Variants in LGMN observed in about 807,000 individuals in gnomAD.
LGMN encodes legumain.
LGMN carries 36 observed loss-of-function variants against 56.8 expected under a neutral mutation model. The observed-to-expected ratio is 0.63, with a 90% CI of 0.49 to 0.84. The LOEUF is 0.84. LGMN is among the 40% of genes least tolerant of loss of function. The probability of loss-of-function intolerance (pLI) is 0.00; values close to 1 mark genes in which losing one functional copy is unlikely to be tolerated. For synonymous variants in LGMN, 199 were observed against 210.1 expected (o/e 0.95, Z 0.46); for missense variants, 446 against 556.1 (o/e 0.80, Z 1.99).
intron 2 of LGMN, among the ~76,000 whole-genome samples, chr14:92,719,257 A>G (rs1312849557): frequency 0.034 from 361 of 10,758 alleles, 9 homozygotes; most frequent in South Asian, 0.11. Context: ...CACCACCACC[A>G]CCGCCACCGC....
At chr14:92,716,249 A>G (rs1204135647) in intron 4 of LGMN, 28 bp from the exon 5 acceptor site, 1 of 1,528,080 alleles carries the variant, frequency 6.5e-7, no homozygotes, top group African/African-American at 1.4e-5. Flanking sequence ...CCACAATCAG[A>G]TGCAGCTGTC....
At chr14:92,743,411 G>C (rs563086720) in intron 1 of LGMN, among the ~76,000 whole-genome samples, 1 of 152,048 alleles carries the variant, frequency 6.6e-6, no homozygotes, top group Admixed American at 6.5e-5. Flanking sequence ...GCTGAGGCAG[G>C]AGAATGGCGT....
intron 1 of LGMN, among the ~76,000 whole-genome samples, chr14:92,746,795 G>A (rs1202746039): frequency 6.6e-6 from 1 of 152,166 alleles, no homozygotes; most frequent in Non-Finnish European, 1.5e-5. Context: ...TCAGCACTTT[G>A]GGAGGCCGAG....
At chr14:92,710,873 G>C (rs551754099) in intron 10 of LGMN, among the ~76,000 whole-genome samples, 1 of 152,318 alleles carries the variant, frequency 6.6e-6, no homozygotes, top group African/African-American at 2.4e-5. Flanking sequence ...CCTGGGTGCA[G>C]GTCTCATGTC....
In LGMN at chr14:92,711,647, C is replaced by T; in HGVS notation, c.819+12G>A. On this transcript the variant is annotated intron_variant, in intron 10 of 13. Coordinates refer to ENST00000334869, the MANE Select transcript of LGMN (RefSeq NM_005606.7). ...AGGAACAGAGGGCCAGCACGCGAGGCTCCCGACTCACTTTGTTTCCATACT... is the reference window on the plus strand; with the variant it reads ...AGGAACAGAGGGCCAGCACGCGAGGTTCCCGACTCACTTTGTTTCCATACT... 2 of 1,613,086 alleles carry T rather than the reference C, an allele frequency of 1.2e-6. No homozygotes were observed. The highest frequency in any genetic ancestry group is 1.7e-6 in the Non-Finnish European group (2 of 1,178,998).
intron 12 of LGMN, 145 bp downstream of exon 12, chr14:92,706,338 A>G: frequency 1.6e-6 from 1 of 630,142 alleles, no homozygotes; most frequent in Non-Finnish European, 2.5e-6. Context: ...GTGAATTTGG[A>G]CAACCTTCTT....
chr14:92,704,216 A>C lies in LGMN; in HGVS notation c.*103T>G. On this transcript the variant is annotated 3_prime_UTR_variant, in exon 14 of 14. Transcript: ENST00000334869. The stretch of plus-strand genomic sequence containing the variant: ...AGCCCTGGAGCGGGGGCTCCCCAGG[A>C]GGGCCCGAGCAGCGGAGACTTCTCA... 6.0e-5 allele frequency: 87 copies of C among 1,440,538 alleles called. No homozygotes were observed. Among genetic ancestry groups the C allele is most frequent in the Non-Finnish European group, 8.2e-5 (84 of 1,022,338 alleles). 89.2% of individuals were successfully genotyped at this position (1,440,538 alleles called of 1,614,324 possible). A position where few individuals can be genotyped will look rare whatever the true frequency, so the allele number is the denominator to read the frequency against.
At chr14:92,728,015 T>G (rs1890829047) in intron 2 of LGMN, among the ~76,000 whole-genome samples, 1 of 152,244 alleles carries the variant, frequency 6.6e-6, no homozygotes, top group Non-Finnish European at 1.5e-5. Flanking sequence ...ACTGAGTCTA[T>G]GTAGCAGTTG....
chr14:92,731,338 T>C (rs558935381), intron 2 of LGMN, among the ~76,000 whole-genome samples: 1 of 152,332 alleles, frequency 6.6e-6, no homozygotes, highest in East Asian at 1.9e-4. Context: ...AAGTCAGTCT[T>C]CTAAAACAGA....
chr14:92,724,522 TACTG>T (rs997521415), intron 2 of LGMN, among the ~76,000 whole-genome samples: 1 of 152,254 alleles, frequency 6.6e-6, no homozygotes, highest in Non-Finnish European at 1.5e-5. Context: ...AAAATGGTGT[TACTG>T]ACTACTTGTA....
At chr14:92,709,613 A>C (rs1889634816) in intron 11 of LGMN, 59 bp downstream of exon 11, 2 of 1,429,320 alleles carry the variant, frequency 1.4e-6, no homozygotes, top group Non-Finnish European at 2.0e-6. Flanking sequence ...GTGCTCATGC[A>C]TGCTGCCCAC....
At chr14:92,710,757 G>T (rs1467599186) in intron 10 of LGMN, among the ~76,000 whole-genome samples, 1 of 152,204 alleles carries the variant, frequency 6.6e-6, no homozygotes, top group Non-Finnish European at 1.5e-5. Flanking sequence ...CATGGCCAGG[G>T]CTATGCCACC....
In LGMN at chr14:92,722,911, G is replaced by A. The variant is rs147195173; in HGVS notation, c.139-4067C>T. ...CTGAGCTGCCACTTCACAGACAGACGGACAATAACTGGGGAACCAAGAGCC... is the reference window on the plus strand; with the variant it reads ...CTGAGCTGCCACTTCACAGACAGACAGACAATAACTGGGGAACCAAGAGCC... On this transcript the variant is annotated intron_variant, in intron 2 of 13. Coordinates refer to ENST00000334869, the MANE Select transcript of LGMN (RefSeq NM_005606.7). 6.9e-3 allele frequency among the ~76,000 whole-genome samples: 1,044 copies of A among 152,252 alleles called. 13 individuals are homozygous for A. Among genetic ancestry groups the A allele is most frequent in the African/African-American group, 0.024 (995 of 41,538 alleles).
At chr14:92,727,577 C>A (rs187251696) in intron 2 of LGMN, among the ~76,000 whole-genome samples, 1 of 152,126 alleles carries the variant, frequency 6.6e-6, no homozygotes, top group Non-Finnish European at 1.5e-5. Context: ...GTGCTGGCCA[C>A]GCCCCTCACT....
chr14:92,719,263 ACCGCCGCCGCCG>A (rs1187585709), intron 2 of LGMN, among the ~76,000 whole-genome samples: 11,463 of 64,886 alleles, frequency 0.18, 1,484 homozygotes, highest in African/African-American at 0.39. Flanking sequence ...CACCACCGCC[ACCGCCGCCGCCG>A]CCACCGCCGC....
intron 2 of LGMN, among the ~76,000 whole-genome samples, chr14:92,727,373 T>C (rs118121321): frequency 0.022 from 3,026 of 136,698 alleles, 41 homozygotes; most frequent in Non-Finnish European, 0.034. Context: ...GATGTTGCAA[T>C]GAGCCGAGAT....
intron 2 of LGMN, among the ~76,000 whole-genome samples, chr14:92,722,794 C>T (rs1315657309): frequency 6.6e-6 from 1 of 152,138 alleles, no homozygotes; most frequent in Non-Finnish European, 1.5e-5. Context: ...TTTCAATAAA[C>T]ATTTCACCTA....
intron 1 of LGMN, among the ~76,000 whole-genome samples, chr14:92,736,778 C>A (rs1891327683): frequency 6.6e-6 from 1 of 152,140 alleles, no homozygotes; most frequent in Non-Finnish European, 1.5e-5. Context: ...CAGGTCTCAG[C>A]CAAATTTTAC....
chr14:92,707,042 A>C (rs898389607), intron 11 of LGMN, among the ~76,000 whole-genome samples: 1 of 152,030 alleles, frequency 6.6e-6, no homozygotes, highest in Non-Finnish European at 1.5e-5. Flanking sequence ...AGGGACTTTT[A>C]TTTTCTTTCC....
Sources: allele counts gnomAD v4.1 joint callset (sites outside exome capture counted in the v4.1 genomes callset), GRCh38; gene constraint gnomAD v4.1.1; transcripts MANE v1.5; gene names NCBI Gene and HGNC (gene_info 2026-07-23, HGNC 2026-07-21).